ZMIZ1: variants seen among roughly 807,000 people sequenced by gnomAD.
ZMIZ1 encodes zinc finger MIZ-type containing 1, also known as zinc finger MIZ domain-containing protein 1.
Under a neutral mutation model 113.9 loss-of-function variants are expected in ZMIZ1, and 17 were observed. That is an observed-to-expected ratio of 0.15 (90% confidence interval 0.10 to 0.22). The LOEUF (loss-of-function observed/expected upper bound fraction) is 0.22, where lower values mean the gene tolerates loss of function less well. Among genes scored for constraint, ZMIZ1 ranks in the 10% least tolerant of loss-of-function variants. The pLI is 1.00. For synonymous variants in ZMIZ1, 607 were observed against 603.1 expected, an observed-to-expected ratio of 1.01 and a Z score of -0.09; for missense variants, 1,059 against 1,477.8, an observed-to-expected ratio of 0.72 and a Z score of 4.65.
intron 1 of ZMIZ1, among the ~76,000 whole-genome samples, chr10:79,111,467 G>A (rs1188816872): frequency 6.6e-6 from 1 of 152,210 alleles, no homozygotes; most frequent in Non-Finnish European, 1.5e-5. Context: ...GGCCTGCCCT[G>A]GACCAAAGAG....
chr10:79,149,548 C>T (rs979262970), intron 3 of ZMIZ1, among the ~76,000 whole-genome samples: 1 of 152,194 alleles, frequency 6.6e-6, no homozygotes, highest in African/African-American at 2.4e-5. Context: ...GGGCCAAGCT[C>T]CCCTCCCACC....
chr10:79,243,001 T>G (rs891218416), intron 7 of ZMIZ1, among the ~76,000 whole-genome samples: 1 of 131,072 alleles, frequency 7.6e-6, no homozygotes, highest in Non-Finnish European at 1.6e-5. Flanking sequence ...GGGGGCGGGG[T>G]GCGGACGGCG....
chr10:79,101,550 A>G (rs981178168), intron 1 of ZMIZ1, among the ~76,000 whole-genome samples: 15 of 152,130 alleles, frequency 9.9e-5, no homozygotes, highest in African/African-American at 3.6e-4. Context: ...GGCCCAGTGG[A>G]TGTCTGGTGG....
intron 8 of ZMIZ1, among the ~76,000 whole-genome samples, chr10:79,284,024 C>T (rs1409399862): frequency 4.6e-5 from 7 of 152,174 alleles, no homozygotes; most frequent in African/African-American, 1.7e-4. Flanking sequence ...GTTATTTCTC[C>T]CAAATAAAGC....
At position 79,112,602 on chromosome 10, in the gene ZMIZ1, G is replaced by A. The variant is rs74141765; in HGVS notation, c.-336-6313G>A. ...CCTTGTACAGAGGAGGGGAGCAGAC[G>A]AGGCCCAGAGAGGGGAAGGTTGATG... On this transcript the variant is annotated intron_variant, in intron 1 of 24. Coordinates refer to ENST00000334512, the MANE Select transcript of ZMIZ1 (RefSeq NM_020338.4). Among the ~76,000 whole-genome samples, 1,126 of 152,242 alleles carry A rather than the reference G, an allele frequency of 7.4e-3. 15 individuals carry two copies. The highest frequency in any genetic ancestry group is 0.026 in the African/African-American group (1,088 of 41,534).
intron 7 of ZMIZ1, among the ~76,000 whole-genome samples, chr10:79,272,822 G>A (rs1852032499): frequency 6.6e-6 from 1 of 152,238 alleles, no homozygotes; most frequent in African/African-American, 2.4e-5. Flanking sequence ...CATTTGAGGA[G>A]TGCTTGGAAG....
chr10:79,200,975 A>T (rs1848054871), intron 4 of ZMIZ1, among the ~76,000 whole-genome samples: 1 of 152,106 alleles, frequency 6.6e-6, no homozygotes, highest in African/African-American at 2.4e-5. Context: ...GGGAATTGCC[A>T]CCCCCTCCAC....
At position 79,306,315 on chromosome 10, in the gene ZMIZ1, G is replaced by T; in HGVS notation, c.2639G>T (p.Gly880Val). Reference sequence around the variant, plus strand: ...TATCCCCTCCCGCCTCCCCCAGGGGGCACCAACTCCAACGACTACAGCAGC... The same window carrying T: ...TATCCCCTCCCGCCTCCCCCAGGGGTCACCAACTCCAACGACTACAGCAGC... Reference protein sequence around the residue: ...SPYPLPPPPGGTNSNDYSSQG... With the variant: ...SPYPLPPPPGVTNSNDYSSQG... Residue 880 changes from glycine to valine, a missense_variant, in exon 22 of 25, where the codon GGC (glycine) becomes GTC (valine). By Grantham distance (109) the Gly-to-Val change is moderately radical (BLOSUM62 -3). Coordinates refer to ENST00000334512, the MANE Select transcript of ZMIZ1 (RefSeq NM_020338.4). The T allele has an allele frequency of 1.2e-6, 2 of 1,612,288 alleles. No homozygotes were observed. The highest frequency in any genetic ancestry group is 8.5e-7 in the Non-Finnish European group (1 of 1,179,974).
intron 7 of ZMIZ1, among the ~76,000 whole-genome samples, chr10:79,232,152 C>T (rs1266974719): frequency 6.6e-6 from 1 of 152,202 alleles, no homozygotes; most frequent in East Asian, 1.9e-4. Flanking sequence ...ACGGGGCTAA[C>T]TGTAACCCTC....
At chr10:79,259,817 G>A (rs1193893628) in intron 7 of ZMIZ1, among the ~76,000 whole-genome samples, 1 of 152,070 alleles carries the variant, frequency 6.6e-6, no homozygotes, top group African/African-American at 2.4e-5. Context: ...TCACCATGTT[G>A]GCCAAGCTGG....
intron 4 of ZMIZ1, among the ~76,000 whole-genome samples, chr10:79,182,013 C>G (rs1017632357): frequency 6.6e-6 from 1 of 152,194 alleles, no homozygotes; most frequent in African/African-American, 2.4e-5. Context: ...CAGTGCCAAG[C>G]TGGAGAGAGA....
Position 79,289,756 on chromosome 10 carries a change from C to T in ZMIZ1, c.426-19C>T. On this transcript the variant is annotated intron_variant, in intron 8 of 24. Coordinates refer to ENST00000334512, the MANE Select transcript of ZMIZ1 (RefSeq NM_020338.4). ...GTGCCTGCCAGGCCCTGAAGATCTCCCTCTGTCTCCCTCTGCAGTGATGGG... is the reference window on the plus strand; with the variant it reads ...GTGCCTGCCAGGCCCTGAAGATCTCTCTCTGTCTCCCTCTGCAGTGATGGG... The T allele has an allele frequency of 1.2e-6, 2 of 1,608,478 alleles. No homozygotes were observed. Among genetic ancestry groups the T allele is most frequent in the Non-Finnish European group, 1.7e-6 (2 of 1,175,556 alleles).
chr10:79,101,219 T>G (rs1011827408), intron 1 of ZMIZ1, among the ~76,000 whole-genome samples: 2 of 151,954 alleles, frequency 1.3e-5, no homozygotes, highest in African/African-American at 2.4e-5. Context: ...ATGCTACTGA[T>G]TGTCTAATGG....
chr10:79,100,929 G>A (rs914725413), intron 1 of ZMIZ1, among the ~76,000 whole-genome samples: 3 of 152,228 alleles, frequency 2.0e-5, no homozygotes, highest in Non-Finnish European at 2.9e-5. Context: ...TCTCACCCCA[G>A]CACAGCTGGG....
chr10:79,301,086 G>A (rs773673905), intron 17 of ZMIZ1, 144 bp downstream of exon 17: 163 of 1,247,206 alleles, frequency 1.3e-4, no homozygotes, highest in Non-Finnish European at 1.5e-4. Context: ...AAGATACAGC[G>A]TCCCCTTACC....
At chr10:79,115,999 G>A (rs909497256) in intron 1 of ZMIZ1, among the ~76,000 whole-genome samples, 1 of 152,200 alleles carries the variant, frequency 6.6e-6, no homozygotes, top group South Asian at 2.1e-4. Context: ...CATGGGTCTT[G>A]CAATTTTGTT....
chr10:79,179,564 TGAGA>T (rs1045118193), intron 4 of ZMIZ1, among the ~76,000 whole-genome samples: 5 of 152,222 alleles, frequency 3.3e-5, no homozygotes, highest in African/African-American at 7.2e-5. Flanking sequence ...TGTGGTGAGC[TGAGA>T]GAGAGCTGAG....
chr10:79,187,458 CTG>C (rs1164885283), intron 4 of ZMIZ1, among the ~76,000 whole-genome samples: 1 of 152,196 alleles, frequency 6.6e-6, no homozygotes, highest in Non-Finnish European at 1.5e-5. Flanking sequence ...TCTGTGAAGT[CTG>C]AGCTGTGGTG....
At chr10:79,215,607 T>G (rs1848692144) in intron 6 of ZMIZ1, among the ~76,000 whole-genome samples, 1 of 152,144 alleles carries the variant, frequency 6.6e-6, no homozygotes, top group African/African-American at 2.4e-5. Flanking sequence ...CCTAAATCAC[T>G]GCTTTAGATG....
Sources: allele counts gnomAD v4.1 joint callset (sites outside exome capture counted in the v4.1 genomes callset), GRCh38; gene constraint gnomAD v4.1.1; transcripts MANE v1.5; gene names NCBI Gene and HGNC (gene_info 2026-07-23, HGNC 2026-07-21).